The following ZNF721 variants were observed in gnomAD, a reference collection of about 807,000 sequenced individuals.
ZNF721 encodes the protein zinc finger protein 721.
A neutral mutation model predicts 2.4 loss-of-function variants in ZNF721; 2 were observed. The ratio of observed to expected loss-of-function variants is 0.82; its 90% CI spans 0.34 to 2.58. ZNF721 has a LOEUF of 2.58. Ranked by LOEUF, ZNF721 falls within the 30% of genes most tolerant of loss-of-function variation. ZNF721 has a pLI of 0.11. For missense variants in ZNF721, 1,187 were observed against 1,085.5 expected (o/e 1.09, Z -1.31); for synonymous variants, 398 against 381.8 (o/e 1.04, Z -0.50).
At chr4:456,317 G>A (rs1489157574) in intron 2 of ZNF721, among the ~76,000 whole-genome samples, 4 of 152,048 alleles carry the variant, frequency 2.6e-5, no homozygotes, top group East Asian at 1.9e-4. Context: ...TGATCCACCC[G>A]CCTCAGCCTC....
chr4:473,892 C>T (rs966846423), intron 1 of ZNF721: 6 of 1,427,362 alleles, frequency 4.2e-6, no homozygotes, highest in Admixed American at 1.8e-5. Context: ...GCGGGGACTC[C>T]GTTCGCAGAC....
At chr4:495,609 CTTTT>C (rs201123776) in intron 1 of ZNF721, among the ~76,000 whole-genome samples, 2 of 148,846 alleles carry the variant, frequency 1.3e-5, no homozygotes, top group African/African-American at 4.9e-5. Flanking sequence ...GCCATTTCTT[CTTTT>C]TTTTTTGAGA....
rs975524680 is a variant in ZNF721, at chr4:493,191, T to A, written c.-94+5865A>T. On this transcript the variant is annotated intron_variant, in intron 1 of 2. Transcript: ENST00000511833. Reference sequence around the variant, plus strand: ...GACAGTAAAAAAAAAAAAAAAAAAATATGGCCTAACAGATTCCATTTTCCT... The same window carrying A: ...GACAGTAAAAAAAAAAAAAAAAAAAAATGGCCTAACAGATTCCATTTTCCT... 3.7e-3 allele frequency among the ~76,000 whole-genome samples: 498 copies of A among 134,606 alleles called. 1 individual carries two copies. Among genetic ancestry groups the A allele is most frequent in the African/African-American group, 0.013 (464 of 35,308 alleles). The allele number at this position is 134,606 out of a possible 152,430, so 88.3% of individuals were successfully genotyped here. A position where few individuals can be genotyped will look rare whatever the true frequency, so the allele number is the denominator to read the frequency against.
chr4:467,870 C>T (rs781881597), intron 2 of ZNF721, among the ~76,000 whole-genome samples: 6 of 152,200 alleles, frequency 3.9e-5, no homozygotes, highest in Non-Finnish European at 8.8e-5. Flanking sequence ...GGCGCGGTGG[C>T]TCACGCCTGT....
intron 1 of ZNF721, chr4:474,195 G>A (rs1715562421): frequency 2.6e-5 from 11 of 430,658 alleles, no homozygotes; most frequent in East Asian, 6.2e-5. Context: ...CAGACTGCGC[G>A]CCTGATTGGG....
chr4:447,922 A>T (rs1714529105), intron 2 of ZNF721, among the ~76,000 whole-genome samples: 1 of 152,216 alleles, frequency 6.6e-6, no homozygotes, highest in African/African-American at 2.4e-5. Context: ...CAAAGCCAAT[A>T]CTGACAGAAT....
chr4:494,476 G>T (rs548098536), intron 1 of ZNF721, among the ~76,000 whole-genome samples: 2 of 152,120 alleles, frequency 1.3e-5, no homozygotes, highest in East Asian at 3.9e-4. Context: ...GTGAACCACC[G>T]CACCTGGCTG....
chr4:468,344 C>T (rs868973424), intron 2 of ZNF721, among the ~76,000 whole-genome samples: 83 of 151,468 alleles, frequency 5.5e-4, no homozygotes, highest in African/African-American at 1.9e-3. Flanking sequence ...GCAGGAGAAT[C>T]GCTTGAACCT....
rs1458956677 is a variant in ZNF721 at position 440,032 on chromosome 4, ATTATC to A, written c.*1658_*1662del. 4 of 150,548 alleles carry A rather than the reference ATTATC, an allele frequency of 2.7e-5. No individual in the cohort carries two copies. The highest frequency in any genetic ancestry group is 7.5e-5 in the African/African-American group (3 of 40,056). 9.3% of individuals were successfully genotyped at this position (150,548 alleles called of 1,614,324 possible). ...TTTATTTCAAAAATTAAGTTCACACATTATCTTAAGAGAATTTTAAAATTTACTGC... is the reference window on the plus strand; with the variant it reads ...TTTATTTCAAAAATTAAGTTCACACATTAAGAGAATTTTAAAATTTACTGC... On this transcript the variant is annotated 3_prime_UTR_variant, in exon 3 of 3. Coordinates refer to ENST00000511833, the MANE Select transcript of ZNF721 (RefSeq NM_133474.4).
intron 1 of ZNF721, among the ~76,000 whole-genome samples, chr4:495,061 T>A (rs1326922987): frequency 6.6e-6 from 1 of 151,940 alleles, no homozygotes; most frequent in Non-Finnish European, 1.5e-5. Flanking sequence ...TTTTCGTATT[T>A]TTAATAGAGA....
At chr4:448,779 C>A (rs1576954151) in intron 2 of ZNF721, among the ~76,000 whole-genome samples, 1 of 152,154 alleles carries the variant, frequency 6.6e-6, no homozygotes, top group Non-Finnish European at 1.5e-5. Context: ...AATACAAACT[C>A]ACACACGGTC....
At chr4:454,645 C>A (rs2011095) in intron 2 of ZNF721, among the ~76,000 whole-genome samples, 1 of 151,938 alleles carries the variant, frequency 6.6e-6, no homozygotes, top group Non-Finnish European at 1.5e-5. Context: ...ATGCCTTCCC[C>A]ATGTATCTGT....
chr4:498,362 AG>A (rs755034646), intron 1 of ZNF721, among the ~76,000 whole-genome samples: 2 of 152,180 alleles, frequency 1.3e-5, no homozygotes, highest in Non-Finnish European at 2.9e-5. Context: ...GCCTCTCCAA[AG>A]GAGGCTATCA....
chr4:443,606 A>G lies in ZNF721; in HGVS notation c.861T>C (p.Asn287=), dbSNP rs1358331089. 1 of 1,613,532 alleles carries G rather than the reference A, an allele frequency of 6.2e-7. No individual in the cohort carries two copies. The highest frequency in any genetic ancestry group is 1.3e-5 in the African/African-American group (1 of 74,778). ...FKCLECGKAF[N]ISTTLTKHRR... Reference sequence around the variant, plus strand: ...TATGTTTAGTAAGGGTTGTGGAAATATTAAAGGCTTTACCACATTCTAAAC... The same window carrying G: ...TATGTTTAGTAAGGGTTGTGGAAATGTTAAAGGCTTTACCACATTCTAAAC... Residue 287 remains asparagine (N), a synonymous_variant, in exon 3 of 3, where the codon AAT becomes AAC. Coordinates refer to ENST00000511833, the MANE Select transcript of ZNF721 (RefSeq NM_133474.4).
intron 2 of ZNF721, among the ~76,000 whole-genome samples, chr4:468,439 A>G (rs996087285): frequency 2.8e-5 from 4 of 142,706 alleles, no homozygotes; most frequent in Non-Finnish European, 6.3e-5. Context: ...CAAAAAAAAG[A>G]AAAAAAAAAA....
At chr4:464,913 A>C (rs1553866538) in intron 2 of ZNF721, among the ~76,000 whole-genome samples, 1 of 151,246 alleles carries the variant, frequency 6.6e-6, no homozygotes, top group Non-Finnish European at 1.5e-5. Flanking sequence ...CCCTGTCTCT[A>C]CTAAAAATAC....
Position 499,038 on chromosome 4 carries a change from CT to C in ZNF721, c.-94+17del, listed in dbSNP as rs1272018911. 17 of 466,394 alleles carry C rather than the reference CT, an allele frequency of 3.6e-5. No individual in the cohort carries two copies. The highest frequency in any genetic ancestry group is 5.7e-5 in the Non-Finnish European group (15 of 262,250). The allele number at this position is 466,394 out of a possible 1,614,324, so 28.9% of individuals were successfully genotyped here. A position where few individuals can be genotyped will look rare whatever the true frequency, so the allele number is the denominator to read the frequency against. On this transcript the variant is annotated intron_variant, in intron 1 of 2. Coordinates refer to ENST00000511833, the MANE Select transcript of ZNF721 (RefSeq NM_133474.4). ...TGCACCCTGCCTTCCAAATTAAAAA[CT>C]TTTTAAAACCTCGTACCTCGCCGTG...
chr4:466,470 T>C (rs554101401), intron 2 of ZNF721, among the ~76,000 whole-genome samples: 143 of 152,356 alleles, frequency 9.4e-4, no homozygotes, highest in Middle Eastern at 3.4e-3. Flanking sequence ...AATAATTCAC[T>C]TTCATCTGCT....
At chr4:490,022 G>C (rs1413489745) in intron 1 of ZNF721, among the ~76,000 whole-genome samples, 1 of 151,800 alleles carries the variant, frequency 6.6e-6, no homozygotes, top group Non-Finnish European at 1.5e-5. Flanking sequence ...ACCATGCCTG[G>C]CTAATTTTTT....
Sources: gnomAD v4.1 joint callset for allele counts (sites outside exome capture counted in the v4.1 genomes callset) on GRCh38, gnomAD v4.1.1 for gene constraint, MANE v1.5 for transcripts, NCBI Gene and HGNC (gene_info 2026-07-23, HGNC 2026-07-21) for gene names.